Variants in SESN3 observed in about 807,000 individuals in gnomAD.
SESN3 encodes the protein sestrin-3.
In SESN3, 21 loss-of-function variants were observed where a neutral mutation model predicts 55.3. The ratio of observed to expected loss-of-function variants is 0.38; its 90% confidence interval spans 0.27 to 0.55. The LOEUF (loss-of-function observed/expected upper bound fraction) is 0.55. SESN3 is among the 20% of genes least tolerant of loss of function. The pLI is 0.76. For missense variants in SESN3, 408 were observed against 604.3 expected (o/e 0.68, Z 3.41); for synonymous variants, 181 against 203.1 (o/e 0.89, Z 0.93).
chr11:95,181,684 A>C (rs554214140), intron 6 of SESN3, among the ~76,000 whole-genome samples: 41 of 152,252 alleles, frequency 2.7e-4, no homozygotes, highest in African/African-American at 8.2e-4. Context: ...ACCCCTGTAG[A>C]ATACTTTAAA....
intron 6 of SESN3, among the ~76,000 whole-genome samples, chr11:95,181,872 C>T (rs1860064925): frequency 6.6e-6 from 1 of 151,924 alleles, no homozygotes; most frequent in South Asian, 2.1e-4. Flanking sequence ...TGTACTGAGT[C>T]TTTTTTCTAT....
intron 3 of SESN3, among the ~76,000 whole-genome samples, chr11:95,190,913 A>C (rs1238933561): frequency 6.6e-6 from 1 of 152,026 alleles, no homozygotes; most frequent in Non-Finnish European, 1.5e-5. Context: ...CTAGTTAACC[A>C]GTTTGTAATC....
At chr11:95,205,345 G>A (rs1484914054) in intron 1 of SESN3, among the ~76,000 whole-genome samples, 1 of 152,100 alleles carries the variant, frequency 6.6e-6, no homozygotes, top group Non-Finnish European at 1.5e-5. Context: ...GGGTGGGGGA[G>A]GCTGGGGAAA....
chr11:95,207,009 G>A (rs948625110), intron 1 of SESN3, among the ~76,000 whole-genome samples: 1 of 151,964 alleles, frequency 6.6e-6, no homozygotes, highest in Non-Finnish European at 1.5e-5. Flanking sequence ...TTGAACTCCT[G>A]ACCTCGTGAT....
intron 4 of SESN3, among the ~76,000 whole-genome samples, chr11:95,188,016 TA>T (rs5793718): frequency 0.085 from 12,288 of 144,026 alleles, 881 homozygotes; most frequent in East Asian, 0.33. Flanking sequence ...TCCCATGGCT[TA>T]AAAAAAAAAA....
chr11:95,192,264 T>C (rs989545200), intron 2 of SESN3, among the ~76,000 whole-genome samples: 4 of 152,040 alleles, frequency 2.6e-5, no homozygotes, highest in Non-Finnish European at 5.9e-5. Flanking sequence ...TTCTCAAAAA[T>C]AGATTATTTA....
chr11:95,206,302 A>G (rs1342472704), intron 1 of SESN3, among the ~76,000 whole-genome samples: 2 of 151,864 alleles, frequency 1.3e-5, no homozygotes, highest in African/African-American at 2.4e-5. Flanking sequence ...ATTATGAACT[A>G]TTTTTGAACC....
chr11:95,213,159 C>A (rs1273129070), intron 1 of SESN3, among the ~76,000 whole-genome samples: 1 of 151,608 alleles, frequency 6.6e-6, no homozygotes, highest in Admixed American at 6.6e-5. Flanking sequence ...AAAAAAAAAC[C>A]TTGGTCTTTT....
chr11:95,184,360 T>C, intron 6 of SESN3, 60 bp downstream of exon 6: 1 of 1,395,052 alleles, frequency 7.2e-7, no homozygotes, highest in Non-Finnish European at 1.0e-6. Context: ...TGGAAAACAC[T>C]GAAGTTGCCC....
At chr11:95,210,345 CA>C (rs1198490703) in intron 1 of SESN3, among the ~76,000 whole-genome samples, 2 of 152,226 alleles carry the variant, frequency 1.3e-5, no homozygotes, top group East Asian at 3.9e-4. Context: ...ACATGTATCC[CA>C]GAACTTAAAG....
At chr11:95,195,037 T>A (rs1860335667) in intron 1 of SESN3, among the ~76,000 whole-genome samples, 1 of 151,974 alleles carries the variant, frequency 6.6e-6, no homozygotes, top group Non-Finnish European at 1.5e-5. Context: ...TGAGGAAAAA[T>A]TATGATTATG....
intron 5 of SESN3, 91 bp downstream of exon 5, chr11:95,185,160 ATATCC>A: frequency 4.2e-6 from 3 of 706,578 alleles, no homozygotes; most frequent in Non-Finnish European, 7.3e-6. Context: ...TAAGTATATA[ATATCC>A]TATCTAATTG....
intron 1 of SESN3, among the ~76,000 whole-genome samples, chr11:95,207,016 T>G (rs1860562120): frequency 6.6e-6 from 1 of 152,094 alleles, no homozygotes. Context: ...CCTGACCTCG[T>G]GATCCACCCG....
At chr11:95,201,122 TATTATG>T (rs1860453680) in intron 1 of SESN3, 1 of 152,054 alleles carries the variant, frequency 6.6e-6, no homozygotes, top group African/African-American at 2.4e-5. Context: ...TAATATGAGA[TATTATG>T]ATTAAGTAAC....
At chr11:95,191,914 G>T (rs1860276398) in intron 2 of SESN3, among the ~76,000 whole-genome samples, 1 of 152,014 alleles carries the variant, frequency 6.6e-6, no homozygotes, top group African/African-American at 2.4e-5. Flanking sequence ...CCATTTGCCT[G>T]GCCATTGTCA....
At chr11:95,203,080 T>C (rs1355726264) in intron 1 of SESN3, among the ~76,000 whole-genome samples, 4 of 152,120 alleles carry the variant, frequency 2.6e-5, no homozygotes, top group African/African-American at 9.6e-5. Flanking sequence ...TGTAGTTATC[T>C]TGGTGTATGA....
intron 1 of SESN3, among the ~76,000 whole-genome samples, chr11:95,205,570 C>T (rs995165562): frequency 6.6e-6 from 1 of 152,026 alleles, no homozygotes; most frequent in African/African-American, 2.4e-5. Flanking sequence ...ATAATGGTGA[C>T]ACCAACTGAT....
chr11:95,175,367 A>G, intron 9 of SESN3, 131 bp downstream of exon 9: 1 of 778,622 alleles, frequency 1.3e-6, no homozygotes, highest in Non-Finnish European at 2.0e-6. Flanking sequence ...AAAACCCCAG[A>G]TAGCTAGATG....
intron 1 of SESN3, among the ~76,000 whole-genome samples, chr11:95,206,802 ATT>A (rs34619858): frequency 4.8e-5 from 7 of 145,644 alleles, no homozygotes; most frequent in African/African-American, 1.5e-4. Context: ...AAACATTACT[ATT>A]TTTTTTTTTT....
Sources: allele counts gnomAD v4.1 joint callset (sites outside exome capture counted in the v4.1 genomes callset), GRCh38; gene constraint gnomAD v4.1.1; transcripts MANE v1.5; gene names NCBI Gene and HGNC (gene_info 2026-07-23, HGNC 2026-07-21).